Variants in CPZ observed in about 807,000 individuals in gnomAD.
CPZ encodes the protein carboxypeptidase Z, also known as VEZT/CPZ fusion.
A neutral mutation model predicts 61.8 loss-of-function variants in CPZ; 103 were observed. That is an observed-to-expected ratio of 1.67 (90% confidence interval 1.42 to 1.96). The LOEUF (loss-of-function observed/expected upper bound fraction) is 1.96. CPZ is among the 30% of genes most tolerant of loss of function. CPZ has a pLI of 0.00. For synonymous variants in CPZ, 551 were observed against 373.7 expected (o/e 1.47, Z -5.47); for missense variants, 1,461 against 914.9 (o/e 1.60, Z -7.70).
At chr4:8,617,842 A>C (rs906010197) in intron 9 of CPZ, among the ~76,000 whole-genome samples, 1 of 152,190 alleles carries the variant, frequency 6.6e-6, no homozygotes, top group African/African-American at 2.4e-5. Context: ...AGGATCAGGC[A>C]GCTTTGGGAG....
rs748749912 is a variant in CPZ, at chr4:8,619,263, C to T, written c.1605C>T (p.Ala535=). The T allele has an allele frequency of 3.1e-6, 5 of 1,607,924 alleles. No individual in the cohort carries two copies. The South Asian group carries it at 4.4e-5, about 14-fold the overall frequency. Residue 535 remains alanine, a splice_region_variant and synonymous_variant, in exon 11 of 11, where the codon GCC becomes GCT. Transcript: ENST00000360986. ...CATTTTTAATCTATTTGTCCACAGC[C>T]CCAGATGGTGACTACTGGAGACTGC... The part of the protein sequence containing the change: ...VKGIRHDITT[A]PDGDYWRLLP...
intron 7 of CPZ, chr4:8,611,291 G>T (rs114612013): frequency 2.2e-6 from 1 of 456,218 alleles, no homozygotes; most frequent in South Asian, 1.5e-5. Flanking sequence ...ACTTACAGAC[G>T]GCCCAGAGCC....
Position 8,605,980 on chromosome 4 carries a change from T to C in CPZ, c.710-9T>C. On this transcript the variant is annotated splice_polypyrimidine_tract_variant and intron_variant, in intron 4 of 10. Coordinates refer to ENST00000360986, the MANE Select transcript of CPZ (RefSeq NM_001014447.3). ...AGATGATGCCCCAAGTCTCTGTATT[T>C]GCCCCCAGTGGAGCCCGAGGTGAAG... The C allele has an allele frequency of 6.2e-7, 1 of 1,610,080 alleles. No individual in the cohort carries two copies. Among genetic ancestry groups the C allele is most frequent in the East Asian group, 2.2e-5 (1 of 44,796 alleles).
intron 7 of CPZ, among the ~76,000 whole-genome samples, chr4:8,611,591 A>T (rs77016301): frequency 6.6e-6 from 1 of 152,178 alleles, no homozygotes; most frequent in African/African-American, 2.4e-5. Flanking sequence ...GATTATTCAT[A>T]GAAGTAGTTG....
intron 7 of CPZ, among the ~76,000 whole-genome samples, chr4:8,609,184 G>GCATTCACTCACTCCCTCACTCACTTACT (rs1715377443): frequency 9.1e-6 from 1 of 109,324 alleles, no homozygotes; most frequent in Non-Finnish European, 2.0e-5. Context: ...ATTCACTCAG[G>GCATTCACTCACTCCCTCACTCACTTACT]CATTCACTCA....
Position 8,603,971 on chromosome 4 carries a change from C to G in CPZ, c.497-5C>G, listed in dbSNP as rs566237454. 41 of 1,611,742 alleles carry G rather than the reference C, an allele frequency of 2.5e-5. No individual in the cohort carries two copies. In the East Asian group the frequency reaches 8.2e-4, roughly 32 times the overall value. On this transcript the variant is annotated splice_region_variant and splice_polypyrimidine_tract_variant and intron_variant, in intron 3 of 10. Coordinates refer to ENST00000360986, the MANE Select transcript of CPZ (RefSeq NM_001014447.3). Reference sequence around the variant, plus strand: ...ACTGACTGAGCCCCCCCACTGCTCCCCCAGGAGGCCTGGAGGCTGACGAGG... The same window carrying G: ...ACTGACTGAGCCCCCCCACTGCTCCGCCAGGAGGCCTGGAGGCTGACGAGG...
At chr4:8,607,159 G>T (rs768321224) in intron 6 of CPZ, 108 bp from the exon 7 acceptor site, 6 of 1,347,506 alleles carry the variant, frequency 4.5e-6, no homozygotes, top group Middle Eastern at 5.3e-4. Flanking sequence ...TGTAGAGACC[G>T]TTAATAGTCT....
intron 4 of CPZ, among the ~76,000 whole-genome samples, chr4:8,605,170 G>A (rs1305331014): frequency 1.3e-5 from 2 of 152,236 alleles, no homozygotes; most frequent in Admixed American, 6.5e-5. Context: ...ATCCCTGGCT[G>A]TCCCTGGGCC....
chr4:8,619,128 G>A, intron 10 of CPZ, 134 bp from the exon 11 acceptor site: 2 of 714,090 alleles, frequency 2.8e-6, no homozygotes, highest in South Asian at 3.9e-5. Context: ...GACGTTCCAG[G>A]CCCACACAGA....
chr4:8,612,193 G>GTGT, intron 8 of CPZ, 31 bp downstream of exon 8: 1 of 367,212 alleles, frequency 2.7e-6, no homozygotes, highest in East Asian at 6.4e-5. Flanking sequence ...GACTGGGCGG[G>GTGT]GGGTGGGGGG....
chr4:8,606,608 G>A (rs1715030246), intron 5 of CPZ, 129 bp from the exon 6 acceptor site: 3 of 1,179,714 alleles, frequency 2.5e-6, no homozygotes, highest in Admixed American at 1.8e-5. Context: ...ATGCCCCCGA[G>A]CTCATCACAT....
intron 4 of CPZ, 125 bp downstream of exon 4, chr4:8,604,313 C>A: frequency 2.3e-6 from 2 of 883,740 alleles, no homozygotes; most frequent in Non-Finnish European, 3.4e-6. Context: ...CCTCAGGGAG[C>A]TGCTTGGTGC....
At chr4:8,605,862 T>G (rs973417843) in intron 4 of CPZ, 127 bp from the exon 5 acceptor site, 3 of 928,494 alleles carry the variant, frequency 3.2e-6, no homozygotes, top group African/African-American at 3.3e-5. Flanking sequence ...ATACAGAGGT[T>G]CTTGAGTCAA....
Position 8,606,765 on chromosome 4 carries a change from G to T in CPZ, c.935G>T (p.Gly312Val), listed in dbSNP as rs748562079. 11 of 1,614,168 alleles carry T rather than the reference G, an allele frequency of 6.8e-6. No homozygotes were observed. The East Asian group carries it at 1.8e-4, about 26-fold the overall frequency. The change falls in exon 6 of 11, where the codon GGG (glycine) becomes GTG (valine). Residue 312 changes from glycine to valine, a missense_variant. Transcript: ENST00000360986. ...EGAGYNGWTS[G>V]RQNAQNLDLN... is the part of the protein sequence containing the mutation. ...GCCGGCTACAACGGGTGGACGAGCG[G>T]GAGGCAGAACGCGCAGAACCTGGAT...
In CPZ at chr4:8,599,446, T is replaced by C. The variant is rs1329918081; in HGVS notation, c.89-7T>C. On this transcript the variant is annotated splice_region_variant and splice_polypyrimidine_tract_variant and intron_variant, in intron 1 of 10. Transcript: ENST00000360986. ...GGTCCCTAACAGTGCCATGTCTCTC[T>C]TTCCAGGTGAATGCCACAGGCCACC... 1.9e-6 allele frequency: 3 copies of C among 1,608,010 alleles called. No homozygotes were observed. The highest frequency in any genetic ancestry group is 1.3e-5 in the African/African-American group (1 of 74,742).
intron 7 of CPZ, among the ~76,000 whole-genome samples, chr4:8,609,044 C>G (rs1434100884): frequency 7.4e-6 from 1 of 135,766 alleles, no homozygotes; most frequent in Non-Finnish European, 1.6e-5. Context: ...CACCCATTCA[C>G]TCCCTCCCTC....
chr4:8,610,441 A>T (rs1212993620), intron 7 of CPZ, among the ~76,000 whole-genome samples: 1 of 152,022 alleles, frequency 6.6e-6, no homozygotes, highest in African/African-American at 2.4e-5. Flanking sequence ...AAGGGCAGGG[A>T]GGAGGGACTG....
chr4:8,613,565 G>A (rs150679640), intron 8 of CPZ, among the ~76,000 whole-genome samples: 250 of 152,314 alleles, frequency 1.6e-3, no homozygotes, highest in African/African-American at 5.5e-3. Flanking sequence ...CAGGCTCTGC[G>A]GCTCAGGAGC....
chr4:8,613,219 C>T (rs1334555924), intron 8 of CPZ, among the ~76,000 whole-genome samples: 1 of 151,374 alleles, frequency 6.6e-6, no homozygotes, highest in Non-Finnish European at 1.5e-5. Context: ...GCAATCTCTG[C>T]CTCCCGGGTT....
Sources: gnomAD v4.1 joint callset for allele counts (sites outside exome capture counted in the v4.1 genomes callset) on GRCh38, gnomAD v4.1.1 for gene constraint, MANE v1.5 for transcripts, NCBI Gene and HGNC (gene_info 2026-07-23, HGNC 2026-07-21) for gene names.